TSHZ2: variants seen among roughly 807,000 people sequenced by gnomAD.
TSHZ2 encodes teashirt homolog 2.
In TSHZ2, 21 loss-of-function variants were observed where a neutral mutation model predicts 74.4. The ratio of observed to expected loss-of-function variants is 0.28; its 90% CI spans 0.20 to 0.41. The LOEUF is 0.41. Among genes scored for constraint, TSHZ2 ranks in the 10% least tolerant of loss-of-function variants. TSHZ2 has a pLI of 1.00. For missense variants in TSHZ2, 1,244 were observed against 1,293.5 expected (o/e 0.96, Z 0.59); for synonymous variants, 540 against 515.3 (o/e 1.05, Z -0.65).
At chr20:53,453,931 A>C (rs754566222) in intron 2 of TSHZ2, among the ~76,000 whole-genome samples, 5 of 151,978 alleles carry the variant, frequency 3.3e-5, no homozygotes, top group Non-Finnish European at 7.4e-5. Flanking sequence ...GTGGCTCTGA[A>C]CTCCTACTTG....
chr20:53,145,225 A>G (rs762407938), intron 1 of TSHZ2, among the ~76,000 whole-genome samples: 1 of 152,174 alleles, frequency 6.6e-6, no homozygotes, highest in Non-Finnish European at 1.5e-5. Flanking sequence ...TGATCAGGAC[A>G]TGGTGGGTGG....
chr20:53,096,893 A>C (rs1184864415), intron 1 of TSHZ2, among the ~76,000 whole-genome samples: 1 of 151,874 alleles, frequency 6.6e-6, no homozygotes, highest in Non-Finnish European at 1.5e-5. Flanking sequence ...AACAAACAAA[A>C]AAACCCAAAA....
chr20:53,303,649 C>T (rs1419318485), intron 2 of TSHZ2, among the ~76,000 whole-genome samples: 2 of 152,188 alleles, frequency 1.3e-5, no homozygotes, highest in Non-Finnish European at 2.9e-5. Context: ...GGAAGGCAAT[C>T]TGGGGTTGTG....
At chr20:53,265,116 A>G (rs1990686083) in intron 2 of TSHZ2, among the ~76,000 whole-genome samples, 1 of 151,916 alleles carries the variant, frequency 6.6e-6, no homozygotes, top group Non-Finnish European at 1.5e-5. Flanking sequence ...AAAACTGGAG[A>G]AAGAGGCCAG....
In TSHZ2 at chr20:53,165,242, A is replaced by G. The variant is rs73270646; in HGVS notation, c.41-88257A>G. Among the ~76,000 whole-genome samples the G allele has an allele frequency of 9.8e-3, 1,497 of 152,312 alleles. 22 individuals carry two copies. The highest frequency in any genetic ancestry group is 0.034 in the African/African-American group (1,401 of 41,570). On this transcript the variant is annotated intron_variant, in intron 1 of 2. Transcript: ENST00000371497. Reference sequence around the variant, plus strand: ...ACCTGCAACATTTCATTCCCATTCAATCTTTGTAACAGCCCAAAGAGGCAA... The same window carrying G: ...ACCTGCAACATTTCATTCCCATTCAGTCTTTGTAACAGCCCAAAGAGGCAA...
At chr20:53,223,388 C>T (rs991390957) in intron 1 of TSHZ2, among the ~76,000 whole-genome samples, 1 of 152,002 alleles carries the variant, frequency 6.6e-6, no homozygotes, top group South Asian at 2.1e-4. Context: ...AAAACTGACC[C>T]ACTCCATTTA....
At chr20:53,004,229 A>T (rs1390732868) in intron 1 of TSHZ2, among the ~76,000 whole-genome samples, 3 of 150,576 alleles carry the variant, frequency 2.0e-5, no homozygotes, top group Non-Finnish European at 4.4e-5. Context: ...AATTTCATCC[A>T]GAAATACAAA....
At chr20:53,399,172 T>C (rs185033375) in intron 2 of TSHZ2, 3 of 152,334 alleles carry the variant, frequency 2.0e-5, no homozygotes, top group East Asian at 1.9e-4. Flanking sequence ...TAAGGAATCA[T>C]GCATAATGGA....
intron 2 of TSHZ2, chr20:53,397,600 A>G (rs1982500254): frequency 1.3e-5 from 2 of 152,320 alleles, no homozygotes; most frequent in African/African-American, 4.8e-5. Flanking sequence ...TAGAAATACC[A>G]TTTGACCCAG....
intron 1 of TSHZ2, among the ~76,000 whole-genome samples, chr20:53,091,372 G>A (rs1433342066): frequency 6.6e-6 from 1 of 152,204 alleles, no homozygotes; most frequent in Admixed American, 6.5e-5. Flanking sequence ...CACTTCTCTA[G>A]GTTTGTATGC....
At chr20:53,468,694 A>AC (rs1985637539) in intron 2 of TSHZ2, among the ~76,000 whole-genome samples, 1 of 144,034 alleles carries the variant, frequency 6.9e-6, no homozygotes, top group Non-Finnish European at 1.5e-5. Flanking sequence ...GAGACAAAAA[A>AC]AAAAAAAAAA....
chr20:53,105,940 C>T (rs912748989), intron 1 of TSHZ2, among the ~76,000 whole-genome samples: 3 of 152,186 alleles, frequency 2.0e-5, no homozygotes, highest in Admixed American at 2.0e-4. Flanking sequence ...TGAGCCACCG[C>T]ACCCAGCCTT....
At chr20:53,141,909 C>G (rs1987409456) in intron 1 of TSHZ2, among the ~76,000 whole-genome samples, 1 of 152,242 alleles carries the variant, frequency 6.6e-6, no homozygotes, top group Non-Finnish European at 1.5e-5. Context: ...CTTCCCACAA[C>G]AGCCACCAGG....
intron 2 of TSHZ2, among the ~76,000 whole-genome samples, chr20:53,480,242 T>C: frequency 6.6e-6 from 1 of 151,882 alleles, no homozygotes; most frequent in African/African-American, 2.4e-5. Flanking sequence ...CTAATTTTTG[T>C]ATTTTTAATA....
intron 2 of TSHZ2, among the ~76,000 whole-genome samples, chr20:53,296,205 T>C (rs1991376566): frequency 6.6e-6 from 1 of 152,194 alleles, no homozygotes. Context: ...TTGTCTCCTC[T>C]GAAGTCCAGA....
chr20:53,292,622 T>C (rs895312547), intron 2 of TSHZ2, among the ~76,000 whole-genome samples: 3 of 152,050 alleles, frequency 2.0e-5, no homozygotes, highest in Admixed American at 2.0e-4. Flanking sequence ...TTTTTTTTAA[T>C]ATTTTTTTGT....
At chr20:53,174,601 C>T (rs1208405789) in intron 1 of TSHZ2, among the ~76,000 whole-genome samples, 1 of 152,174 alleles carries the variant, frequency 6.6e-6, no homozygotes, top group East Asian at 1.9e-4. Context: ...TGGGTGGATG[C>T]CTATCAAGCT....
At chr20:52,979,188 T>A (rs2048812444) in intron 1 of TSHZ2, among the ~76,000 whole-genome samples, 1 of 152,206 alleles carries the variant, frequency 6.6e-6, no homozygotes, top group Admixed American at 6.5e-5. Context: ...TAATTTCTTT[T>A]TTTTTTCCTC....
chr20:53,262,820 T>C (rs1990629841), intron 2 of TSHZ2, among the ~76,000 whole-genome samples: 1 of 152,192 alleles, frequency 6.6e-6, no homozygotes, highest in African/African-American at 2.4e-5. Flanking sequence ...GTGCATGTCA[T>C]GTTCTCCTAT....
Sources: allele counts gnomAD v4.1 joint callset (sites outside exome capture counted in the v4.1 genomes callset), GRCh38; gene constraint gnomAD v4.1.1; transcripts MANE v1.5; gene names NCBI Gene and HGNC (gene_info 2026-07-23, HGNC 2026-07-21).